The following DNER variants were observed in gnomAD, a reference collection of about 807,000 sequenced individuals.
DNER encodes the protein delta and Notch-like epidermal growth factor-related receptor.
DNER carries 33 observed loss-of-function variants against 78.2 expected under a neutral mutation model. The ratio of observed to expected loss-of-function variants is 0.42; its 90% CI spans 0.32 to 0.56. The LOEUF (loss-of-function observed/expected upper bound fraction) is 0.56. DNER is among the 20% of genes least tolerant of loss of function. The probability of loss-of-function intolerance (pLI) is 0.11; values close to 1 mark genes in which losing one functional copy is unlikely to be tolerated. For missense variants in DNER, 918 were observed against 975.3 expected (o/e 0.94, Z 0.78); for synonymous variants, 417 against 384.8 (o/e 1.08, Z -0.98).
chr2:229,687,632 G>T (rs1699507674), intron 1 of DNER, among the ~76,000 whole-genome samples: 1 of 152,084 alleles, frequency 6.6e-6, no homozygotes, highest in Non-Finnish European at 1.5e-5. Context: ...AAGATTTAAG[G>T]TTCTTAATTC....
intron 1 of DNER, among the ~76,000 whole-genome samples, chr2:229,668,983 A>G (rs1300026665): frequency 6.6e-6 from 1 of 152,198 alleles, no homozygotes; most frequent in Non-Finnish European, 1.5e-5. Flanking sequence ...ATGCTCATCA[A>G]TGATAGACTG....
intron 1 of DNER, among the ~76,000 whole-genome samples, chr2:229,598,475 T>C (rs569505781): frequency 6.6e-6 from 1 of 152,238 alleles, no homozygotes; most frequent in Non-Finnish European, 1.5e-5. Flanking sequence ...AGTCGGCTCA[T>C]CAATTGCTTG....
chr2:229,510,310 G>A (rs1049822819), intron 6 of DNER, among the ~76,000 whole-genome samples: 3 of 152,358 alleles, frequency 2.0e-5, no homozygotes, highest in Middle Eastern at 3.4e-3. Context: ...ATCTCACTGC[G>A]AAGGGATGCC....
At chr2:229,556,746 TA>T (rs1218887376) in intron 4 of DNER, among the ~76,000 whole-genome samples, 1 of 152,236 alleles carries the variant, frequency 6.6e-6, no homozygotes, top group Non-Finnish European at 1.5e-5. Flanking sequence ...ATTTTGGTCC[TA>T]AAATCTGTTA....
At chr2:229,667,923 A>G (rs1699121414) in intron 1 of DNER, among the ~76,000 whole-genome samples, 3 of 152,204 alleles carry the variant, frequency 2.0e-5, no homozygotes. Context: ...TCCATTCGTT[A>G]ATTTGGCCAT....
rs1463129114 is a variant in DNER, at chr2:229,588,445, G to A, written c.629C>T (p.Ser210Phe). The change falls in exon 3 of 13, where the codon TCT (serine) becomes TTT (phenylalanine). Residue 210 changes from serine to phenylalanine, a missense_variant. Ser to Phe is a radical substitution (Grantham distance 155). Transcript: ENST00000341772. ...IACGNASSNSSAGGRLVSFEV... is the reference protein window; with the variant it reads ...IACGNASSNSFAGGRLVSFEV... ...AAAGGATACCAGGCGGCCACCCGCA[G>A]AGCTGTTAGAACTGGCATTCCCACA... 1.2e-6 allele frequency: 2 copies of A among 1,604,378 alleles called. No homozygotes were observed. The highest frequency in any genetic ancestry group is 2.2e-5 in the South Asian group (2 of 90,848).
At chr2:229,551,350 T>C (rs562582111) in intron 4 of DNER, among the ~76,000 whole-genome samples, 2 of 151,774 alleles carry the variant, frequency 1.3e-5, no homozygotes, top group Middle Eastern at 3.4e-3. Context: ...TAAGTATATA[T>C]AGGCCAGGCA....
chr2:229,653,355 A>G (rs1698853368), intron 1 of DNER, among the ~76,000 whole-genome samples: 1 of 152,200 alleles, frequency 6.6e-6, no homozygotes, highest in Non-Finnish European at 1.5e-5. Flanking sequence ...GTTGGCCATG[A>G]AAGCAAATTC....
At chr2:229,501,982 A>G (rs1231569196) in intron 6 of DNER, among the ~76,000 whole-genome samples, 1 of 152,204 alleles carries the variant, frequency 6.6e-6, no homozygotes, top group African/African-American at 2.4e-5. Context: ...TTGGTCAAAG[A>G]AGGTAAAATC....
intron 1 of DNER, among the ~76,000 whole-genome samples, chr2:229,631,652 G>A (rs1253651878): frequency 6.6e-6 from 1 of 152,174 alleles, no homozygotes; most frequent in African/African-American, 2.4e-5. Context: ...CACCTGAAAA[G>A]TGACAACCCC....
rs533851249 is a variant in DNER, at chr2:229,584,908, A to G, written c.847+950T>C. ...GAGATCGTCCCAAAAAAAAAAAAAA[A>G]AAAGAAGAAGAAAAAGAAAAGAAAA... On this transcript the variant is annotated intron_variant, in intron 4 of 12. Transcript: ENST00000341772. Among the ~76,000 whole-genome samples, 304 of 151,958 alleles carry G rather than the reference A, an allele frequency of 2.0e-3. 7 individuals are homozygous for G. The highest frequency in any genetic ancestry group is 2.7e-3 in the Non-Finnish European group (181 of 67,922).
chr2:229,677,845 G>A (rs1481515851), intron 1 of DNER, among the ~76,000 whole-genome samples: 1 of 152,132 alleles, frequency 6.6e-6, no homozygotes, highest in African/African-American at 2.4e-5. Flanking sequence ...GCTCATGATT[G>A]TTCTCTTACA....
chr2:229,430,895 A>AT (rs1176536386), intron 8 of DNER, among the ~76,000 whole-genome samples: 3 of 151,938 alleles, frequency 2.0e-5, no homozygotes, highest in African/African-American at 7.2e-5. Flanking sequence ...TTTTTAAAAT[A>AT]TTTTTTTAGT....
At chr2:229,450,446 T>C (rs1694433467) in intron 7 of DNER, among the ~76,000 whole-genome samples, 1 of 152,200 alleles carries the variant, frequency 6.6e-6, no homozygotes, top group Admixed American at 6.5e-5. Context: ...ATTAGCAATG[T>C]CATGGGTTAA....
chr2:229,624,983 C>A (rs1015907825), intron 1 of DNER, among the ~76,000 whole-genome samples: 1 of 152,278 alleles, frequency 6.6e-6, no homozygotes, highest in South Asian at 2.1e-4. Context: ...AGTATTTCTA[C>A]ATGAGGGTGA....
chr2:229,388,610 TATATATATATATATA>T (rs1220959512), intron 10 of DNER, among the ~76,000 whole-genome samples: 4 of 58,120 alleles, frequency 6.9e-5, no homozygotes, highest in African/African-American at 3.7e-4. Flanking sequence ...TATATATATA[TATATATATATATATA>T]TATATATATA....
intron 8 of DNER, among the ~76,000 whole-genome samples, chr2:229,438,655 G>A (rs1041297292): frequency 1.3e-5 from 2 of 152,162 alleles, no homozygotes; most frequent in African/African-American, 4.8e-5. Flanking sequence ...CAACAGAGCT[G>A]AATCAATGTG....
intron 5 of DNER, among the ~76,000 whole-genome samples, chr2:229,529,274 A>C (rs1471349760): frequency 6.6e-6 from 1 of 152,144 alleles, no homozygotes. Context: ...CTGAAAAATC[A>C]ATGAAAATAA....
At chr2:229,601,200 G>A (rs1697820065) in intron 1 of DNER, among the ~76,000 whole-genome samples, 1 of 152,156 alleles carries the variant, frequency 6.6e-6, no homozygotes. Flanking sequence ...TCTTCCTTCT[G>A]AAACGCAAAT....
Sources: allele counts gnomAD v4.1 joint callset (sites outside exome capture counted in the v4.1 genomes callset), GRCh38; gene constraint gnomAD v4.1.1; transcripts MANE v1.5; gene names NCBI Gene and HGNC (gene_info 2026-07-23, HGNC 2026-07-21).